BTBD8: variants seen among roughly 807,000 people sequenced by gnomAD.
The protein encoded by BTBD8 is BTB domain containing 8, also known as BTB/POZ domain-containing protein 8.
A neutral mutation model predicts 162.9 loss-of-function variants in BTBD8; 110 were observed. The ratio of observed to expected loss-of-function variants is 0.68; its 90% CI spans 0.58 to 0.79. BTBD8 has a LOEUF of 0.79. Among genes scored for constraint, BTBD8 ranks in the 30% least tolerant of loss-of-function variants. BTBD8 has a pLI of 0.00. For synonymous variants in BTBD8, 667 were observed against 716.1 expected, an observed-to-expected ratio of 0.93 and a Z score of 1.10; for missense variants, 1,905 against 2,085.4, an observed-to-expected ratio of 0.91 and a Z score of 1.68.
intron 9 of BTBD8, among the ~76,000 whole-genome samples, chr1:92,161,253 C>T (rs1044330921): frequency 4.6e-5 from 7 of 152,212 alleles, no homozygotes; most frequent in Non-Finnish European, 8.8e-5. Context: ...GCTGATGTCA[C>T]TTCTCCTCAA....
At chr1:92,137,104 A>G (rs1649653889) in intron 5 of BTBD8, among the ~76,000 whole-genome samples, 2 of 152,348 alleles carry the variant, frequency 1.3e-5, no homozygotes, top group South Asian at 4.1e-4. Flanking sequence ...TAGCTCAGGT[A>G]TAGAAAATGA....
At chr1:92,107,765 C>A in intron 3 of BTBD8, 119 bp from the exon 4 acceptor site, 1 of 748,780 alleles carries the variant, frequency 1.3e-6, no homozygotes, top group Non-Finnish European at 2.1e-6. Context: ...TAATTTACCA[C>A]TTACATATTC....
rs775611488 is a variant in BTBD8 at position 92,132,491 on chromosome 1, TTC to T, written c.752+2717_752+2718del. Among the ~76,000 whole-genome samples, 9 of 152,304 alleles carry T rather than the reference TTC, an allele frequency of 5.9e-5. No homozygotes were observed. In the South Asian group the frequency reaches 1.7e-3, roughly 28 times the overall value. On this transcript the variant is annotated intron_variant, in intron 5 of 17. Transcript: ENST00000636805. ...CGTCTCTACTCTTTCACCTGTAATTTTCTGTCTTTAATTTATAATGGAAGTAA... is the reference window on the plus strand; with the variant it reads ...CGTCTCTACTCTTTCACCTGTAATTTTGTCTTTAATTTATAATGGAAGTAA...
At chr1:92,162,096 G>A (rs1351369809) in intron 9 of BTBD8, among the ~76,000 whole-genome samples, 1 of 151,986 alleles carries the variant, frequency 6.6e-6, no homozygotes, top group African/African-American at 2.4e-5. Flanking sequence ...TCCATTGATT[G>A]TATATTGGCA....
At position 92,181,079 on chromosome 1, in the gene BTBD8, TACAA is replaced by T. The variant is rs1255400499; in HGVS notation, c.3405_3408del (p.Lys1135AsnfsTer22). ...GGGAGAACCAAGTAGGGAGAAAAGA[TACAA>T]ACAAACAATCAAGTATTAAATGTGT... On this transcript the variant is annotated frameshift_variant, in exon 17 of 18. Coordinates refer to ENST00000636805, the MANE Select transcript of BTBD8 (RefSeq NM_001376131.1). LOFTEE classifies it high-confidence loss of function. The T allele has an allele frequency of 1.3e-6, 2 of 1,551,558 alleles. No individual in the cohort carries two copies. Among genetic ancestry groups the T allele is most frequent in the East Asian group, 4.9e-5 (2 of 40,910 alleles).
chr1:92,165,036 A>G (rs1650354710), intron 9 of BTBD8, among the ~76,000 whole-genome samples: 1 of 150,630 alleles, frequency 6.6e-6, no homozygotes, highest in South Asian at 2.1e-4. Context: ...CAGGAGAATC[A>G]CTTGATCTCA....
intron 1 of BTBD8, among the ~76,000 whole-genome samples, chr1:92,081,130 A>G (rs1648002279): frequency 6.6e-6 from 1 of 152,226 alleles, no homozygotes; most frequent in African/African-American, 2.4e-5. Flanking sequence ...ATTATTTGAA[A>G]TGAGGAAAGA....
chr1:92,156,285 G>A (rs1347730716), intron 9 of BTBD8, among the ~76,000 whole-genome samples: 1 of 152,162 alleles, frequency 6.6e-6, no homozygotes, highest in African/African-American at 2.4e-5. Flanking sequence ...AGTTGATGGT[G>A]AATTATCTTT....
intron 12 of BTBD8, among the ~76,000 whole-genome samples, chr1:92,171,177 A>T (rs1449904254): frequency 6.6e-6 from 1 of 152,094 alleles, no homozygotes; most frequent in African/African-American, 2.4e-5. Context: ...TAATTTTAAT[A>T]ACATAAAACC....
intron 4 of BTBD8, among the ~76,000 whole-genome samples, chr1:92,108,992 G>A (rs986823143): frequency 1.3e-5 from 2 of 152,126 alleles, no homozygotes; most frequent in East Asian, 1.9e-4. Flanking sequence ...AAATCACGCT[G>A]GTTTTGCCAG....
At chr1:92,143,196 A>G (rs1454342333) in intron 7 of BTBD8, among the ~76,000 whole-genome samples, 1 of 152,162 alleles carries the variant, frequency 6.6e-6, no homozygotes, top group Non-Finnish European at 1.5e-5. Context: ...AAAAAGTCTC[A>G]TGTTAGTGTC....
At chr1:92,130,984 G>T (rs543944235) in intron 5 of BTBD8, among the ~76,000 whole-genome samples, 44 of 151,818 alleles carry the variant, frequency 2.9e-4, no homozygotes, top group Admixed American at 1.6e-3. Context: ...GATTACAGGC[G>T]TGAGCTACTG....
chr1:92,136,520 G>T (rs951676812), intron 5 of BTBD8, among the ~76,000 whole-genome samples: 2 of 152,112 alleles, frequency 1.3e-5, no homozygotes, highest in Non-Finnish European at 2.9e-5. Context: ...ATTACGTGGG[G>T]AAAGGAAATT....
chr1:92,141,063 G>C, intron 6 of BTBD8, 52 bp from the exon 7 acceptor site: 1 of 1,459,780 alleles, frequency 6.9e-7, no homozygotes. Flanking sequence ...AGTATGTGTT[G>C]TGCCTTGATT....
In BTBD8 at chr1:92,147,154, A is replaced by C. The variant is rs775596857; in HGVS notation, c.931-26A>C. On this transcript the variant is annotated intron_variant, in intron 7 of 17. Transcript: ENST00000636805. ...AGGCTTTGTAAATTGAAAAGGAATA[A>C]ATATGGTGTTTTCCATCAATTTTAG... 29 of 1,528,164 alleles carry C rather than the reference A, an allele frequency of 1.9e-5. No individual in the cohort carries two copies. The African/African-American group carries it at 3.3e-4, about 18-fold the overall frequency. The allele number at this position is 1,528,164 out of a possible 1,614,324, so 94.7% of individuals were successfully genotyped here.
chr1:92,088,699 C>T lies in BTBD8; in HGVS notation c.151C>T (p.Leu51Phe). ...ATGATTCCTTTTTATTCCTTATAGGCTTCTAAGGGAAGAATTCCATACAGA... is the reference window on the plus strand; with the variant it reads ...ATGATTCCTTTTTATTCCTTATAGGTTTCTAAGGGAAGAATTCCATACAGA... ...SEQLSQDLLR[L>F]LREEFHTDVT... The change falls in exon 2 of 18, where the codon CTT (leucine) becomes TTT (phenylalanine). Residue 51 changes from leucine to phenylalanine, a missense_variant and splice_region_variant. Transcript: ENST00000636805. 1.9e-6 allele frequency: 3 copies of T among 1,585,674 alleles called. No individual in the cohort carries two copies. The highest frequency in any genetic ancestry group is 2.6e-6 in the Non-Finnish European group (3 of 1,166,854).
At chr1:92,129,951 G>A (rs1424018675) in intron 5 of BTBD8, among the ~76,000 whole-genome samples, 175 bp downstream of exon 5, 1 of 152,188 alleles carries the variant, frequency 6.6e-6, no homozygotes, top group African/African-American at 2.4e-5. Context: ...ATTAATAGAG[G>A]TATTGTGTTA....
chr1:92,104,374 G>A (rs1648672565), intron 3 of BTBD8, among the ~76,000 whole-genome samples: 1 of 152,100 alleles, frequency 6.6e-6, no homozygotes, highest in Admixed American at 6.6e-5. Flanking sequence ...TCATTCATAT[G>A]CTTTATTTAA....
intron 2 of BTBD8, among the ~76,000 whole-genome samples, chr1:92,092,471 A>G (rs1469253551): frequency 6.6e-6 from 1 of 152,086 alleles, no homozygotes; most frequent in East Asian, 1.9e-4. Flanking sequence ...ATCCAAGGAC[A>G]CAGTGAGGCG....
Sources: allele counts gnomAD v4.1 joint callset (sites outside exome capture counted in the v4.1 genomes callset), GRCh38; gene constraint gnomAD v4.1.1; transcripts MANE v1.5; gene names NCBI Gene and HGNC (gene_info 2026-07-23, HGNC 2026-07-21).